The following EBF3 variants were observed in gnomAD, a reference collection of about 807,000 sequenced individuals.
EBF3 encodes the protein transcription factor COE3.
Under a neutral mutation model 77.1 loss-of-function variants are expected in EBF3, and 18 were observed. That is an observed-to-expected ratio of 0.23 (90% confidence interval 0.16 to 0.35). EBF3 has a LOEUF of 0.35. Among genes scored for constraint, EBF3 ranks in the 10% least tolerant of loss-of-function variants. The pLI, the probability that EBF3 is intolerant of heterozygous loss-of-function variation, is 1.00. For synonymous variants in EBF3, 350 were observed against 343.5 expected, an observed-to-expected ratio of 1.02 and a Z score of -0.21; for missense variants, 558 against 860.0, an observed-to-expected ratio of 0.65 and a Z score of 4.39.
chr10:129,909,402 C>G (rs999087364), intron 6 of EBF3, among the ~76,000 whole-genome samples: 1 of 152,258 alleles, frequency 6.6e-6, no homozygotes, highest in Non-Finnish European at 1.5e-5. Flanking sequence ...CACAACCTCT[C>G]TGGCCTCCAG....
rs376894311 is a variant in EBF3, at chr10:129,870,505, G to A, written c.782-2593C>T. On this transcript the variant is annotated intron_variant, in intron 8 of 16. Coordinates refer to ENST00000440978, the MANE Select transcript of EBF3 (RefSeq NM_001375380.1). The surrounding 1 kb of genome is among the most constrained non-coding windows in gnomAD (Gnocchi z 4.4). The stretch of plus-strand genomic sequence containing the variant: ...GCGTGGCCCACCCTCCTGGGGCCCC[G>A]AGCTGCCAGGGTCCAGAGAAAGGAG... Among the ~76,000 whole-genome samples, 57 of 152,070 alleles carry A rather than the reference G, an allele frequency of 3.7e-4. No individual in the cohort carries two copies. The highest frequency in any genetic ancestry group is 1.3e-3 in the African/African-American group (53 of 41,408).
intron 8 of EBF3, among the ~76,000 whole-genome samples, chr10:129,873,134 G>A (rs553150511): frequency 6.6e-6 from 1 of 152,298 alleles, no homozygotes; most frequent in African/African-American, 2.4e-5. Context: ...TGAGCTTCTG[G>A]ATGGGCGCTT....
At position 129,841,047 on chromosome 10, in the gene EBF3, C is replaced by CCG; in HGVS notation, c.1373-16_1373-15insCG. Reference sequence around the variant, plus strand: ...ACTGTAGCCGACTGTTGAAATCCCCCCCCCGGCCAAAAATAACATTATTAT... The same window carrying CCG: ...ACTGTAGCCGACTGTTGAAATCCCCCCGCCCCGGCCAAAAATAACATTATTAT... On this transcript the variant is annotated splice_polypyrimidine_tract_variant and intron_variant, in intron 13 of 16. Transcript: ENST00000440978. This position sits in a 1 kb window ranked among gnomAD's most constrained non-coding sequence, Gnocchi z 4.6. 1.9e-6 allele frequency: 3 copies of CCG among 1,604,308 alleles called. No individual in the cohort carries two copies. Among genetic ancestry groups the CCG allele is most frequent in the South Asian group, 1.1e-5 (1 of 89,790 alleles).
intron 6 of EBF3, among the ~76,000 whole-genome samples, chr10:129,912,466 AAAGC>A (rs1855594599): frequency 6.6e-6 from 1 of 152,200 alleles, no homozygotes; most frequent in Non-Finnish European, 1.5e-5. Context: ...TCTTGTCTAC[AAAGC>A]AGAACTCAAA....
intron 4 of EBF3, 107 bp from the exon 5 acceptor site, chr10:129,959,114 A>C: frequency 7.2e-7 from 1 of 1,381,544 alleles, no homozygotes; most frequent in South Asian, 1.2e-5. Flanking sequence ...ACCACGCTCG[A>C]GGGGAGGCGA....
intron 6 of EBF3, among the ~76,000 whole-genome samples, chr10:129,924,442 A>C (rs1436543824): frequency 3.0e-5 from 4 of 133,066 alleles, no homozygotes; most frequent in East Asian, 5.2e-4. Flanking sequence ...AAAAAAAAAA[A>C]AAACAAAAAA....
Position 129,942,497 on chromosome 10 carries a change from C to T in EBF3, c.554+14761G>A, listed in dbSNP as rs141370969. On this transcript the variant is annotated intron_variant, in intron 6 of 16. Transcript: ENST00000440978. ...ACCAGCCCCAGTGGTCCTGCAAGAG[C>T]GTCCCACACGCTGTAGGGACAGCTG... Among the ~76,000 whole-genome samples the T allele has an allele frequency of 4.7e-4, 71 of 152,338 alleles. No individual in the cohort carries two copies. In the East Asian group the frequency reaches 8.5e-3, roughly 18 times the overall value.
chr10:129,852,334 T>A (rs1412807300), intron 10 of EBF3, among the ~76,000 whole-genome samples: 1 of 152,346 alleles, frequency 6.6e-6, no homozygotes, highest in Non-Finnish European at 1.5e-5. Flanking sequence ...CACACCGCAC[T>A]TGATACAATG....
intron 16 of EBF3, among the ~76,000 whole-genome samples, chr10:129,838,211 T>A (rs796664883): frequency 7.9e-5 from 12 of 152,044 alleles, no homozygotes; most frequent in African/African-American, 2.9e-4. Context: ...TTTAAAGGCT[T>A]CTTTTGGAAA....
intron 6 of EBF3, among the ~76,000 whole-genome samples, chr10:129,900,818 A>G (rs970429083): frequency 2.0e-5 from 3 of 152,222 alleles, no homozygotes; most frequent in Admixed American, 2.0e-4. Flanking sequence ...GCCACAGGCA[A>G]CCTGGGTAGA....
intron 6 of EBF3, among the ~76,000 whole-genome samples, chr10:129,891,247 A>G (rs563801379): frequency 2.6e-4 from 40 of 152,180 alleles, no homozygotes; most frequent in Admixed American, 5.2e-4. Context: ...TGTTAAGCTG[A>G]TACTCTGAGC....
rs1355122581 is a variant in EBF3 at position 129,944,265 on chromosome 10, A to T, written c.554+12993T>A. 6.6e-6 allele frequency among the ~76,000 whole-genome samples: 1 copy of T among 152,182 alleles called. No homozygotes were observed. The highest frequency in any genetic ancestry group is 2.4e-5 in the African/African-American group (1 of 41,436). On this transcript the variant is annotated intron_variant, in intron 6 of 16. Coordinates refer to ENST00000440978, the MANE Select transcript of EBF3 (RefSeq NM_001375380.1). This position sits in a 1 kb window ranked among gnomAD's most constrained non-coding sequence, Gnocchi z 5.1. ...CGGGTGGGGTCATTTCTCCTTTCAG[A>T]TTGGTCAATGAGGGGAACACCAGAG...
At chr10:129,888,032 A>G (rs1006732253) in intron 6 of EBF3, among the ~76,000 whole-genome samples, 1 of 152,206 alleles carries the variant, frequency 6.6e-6, no homozygotes. Context: ...AACTATTGAT[A>G]GGGTAAGCTG....
chr10:129,881,336 T>C (rs1034753224), intron 6 of EBF3, among the ~76,000 whole-genome samples: 2 of 152,070 alleles, frequency 1.3e-5, no homozygotes, highest in Non-Finnish European at 2.9e-5. Context: ...TGTGCACTAA[T>C]TCCCTGACCC....
At chr10:129,953,924 C>T (rs1293187465) in intron 6 of EBF3, among the ~76,000 whole-genome samples, 2 of 152,218 alleles carry the variant, frequency 1.3e-5, no homozygotes, top group South Asian at 2.1e-4. Context: ...TTGGAATGCA[C>T]GGGTGAAACA....
chr10:129,900,435 A>C (rs1008544010), intron 6 of EBF3, among the ~76,000 whole-genome samples: 2 of 152,158 alleles, frequency 1.3e-5, no homozygotes, highest in African/African-American at 4.8e-5. Flanking sequence ...GGAGGGGAGG[A>C]AGGACACAGA....
chr10:129,949,662 G>A (rs1285702259), intron 6 of EBF3, among the ~76,000 whole-genome samples: 2 of 152,078 alleles, frequency 1.3e-5, no homozygotes, highest in African/African-American at 4.8e-5. Flanking sequence ...CCCTCGGATG[G>A]CCCCAGCCCA....
chr10:129,895,773 T>C (rs1854328627), intron 6 of EBF3, among the ~76,000 whole-genome samples: 1 of 130,746 alleles, frequency 7.6e-6, no homozygotes, highest in Non-Finnish European at 1.6e-5. Flanking sequence ...TTTCCTATCA[T>C]GGACAAGGAC....
intron 6 of EBF3, among the ~76,000 whole-genome samples, chr10:129,939,424 T>C (rs1403116401): frequency 6.6e-6 from 1 of 151,988 alleles, no homozygotes; most frequent in East Asian, 1.9e-4. Context: ...ACATTAAAAG[T>C]TCCCACTGCC....
Sources: allele counts gnomAD v4.1 joint callset (sites outside exome capture counted in the v4.1 genomes callset), GRCh38; gene constraint gnomAD v4.1.1; non-coding constraint Gnocchi (gnomAD v3.1); transcripts MANE v1.5; gene names NCBI Gene and HGNC (gene_info 2026-07-23, HGNC 2026-07-21).